Variants in SEZ6L observed in about 807,000 individuals in gnomAD.
SEZ6L encodes seizure 6-like protein.
Under a neutral mutation model 106.2 loss-of-function variants are expected in SEZ6L, and 37 were observed. The ratio of observed to expected loss-of-function variants is 0.35; its 90% confidence interval spans 0.27 to 0.46. SEZ6L has a LOEUF of 0.46. Ranked by LOEUF, SEZ6L falls within the 20% of genes least tolerant of loss-of-function variation. SEZ6L has a pLI of 1.00. For synonymous variants in SEZ6L, 541 were observed against 570.4 expected, an observed-to-expected ratio of 0.95 and a Z score of 0.73; for missense variants, 1,172 against 1,332.8, an observed-to-expected ratio of 0.88 and a Z score of 1.88.
At chr22:26,247,886 G>A (rs566349139) in intron 1 of SEZ6L, among the ~76,000 whole-genome samples, 2 of 152,224 alleles carry the variant, frequency 1.3e-5, no homozygotes, top group East Asian at 1.9e-4. Context: ...CACTTAAACG[G>A]TCTCCAGATG....
chr22:26,289,359 G>A (rs1203244656), intron 1 of SEZ6L, among the ~76,000 whole-genome samples: 1 of 152,148 alleles, frequency 6.6e-6, no homozygotes, highest in Non-Finnish European at 1.5e-5. Context: ...CCATTGTTTT[G>A]AGGCAGATCC....
chr22:26,378,224 C>T lies in SEZ6L; in HGVS notation c.3045+449C>T, dbSNP rs889644096. Among the ~76,000 whole-genome samples the T allele has an allele frequency of 3.3e-5, 5 of 152,172 alleles. No individual in the cohort carries two copies. The East Asian group carries it at 7.7e-4, about 23-fold the overall frequency. Reference sequence around the variant, plus strand: ...CAGATTCCACCATTAATGAGCCTACCGTCTTGTGAATTATTATTATCAATA... The same window carrying T: ...CAGATTCCACCATTAATGAGCCTACTGTCTTGTGAATTATTATTATCAATA... On this transcript the variant is annotated intron_variant, in intron 16 of 16. Transcript: ENST00000248933.
In SEZ6L at chr22:26,169,741, C is replaced by A; in HGVS notation, c.72C>A (p.Ser24Arg). ...TGTTCCTCGCTCTGCTCCTGGGGAG[C>A]CCGGCGGCAGCGCTGGAGCGAGGTA... ...ISLFLALLLG[S>R]PAAALERDAL... Residue 24 changes from serine (S) to arginine (R), a missense_variant, in exon 1 of 17, where the codon AGC (serine) becomes AGA (arginine). Transcript: ENST00000248933. The A allele has an allele frequency of 1.6e-6, 2 of 1,262,456 alleles. No homozygotes were observed. Among genetic ancestry groups the A allele is most frequent in the Non-Finnish European group, 2.0e-6 (2 of 1,004,722 alleles). The allele number at this position is 1,262,456 out of a possible 1,614,324, so 78.2% of individuals were successfully genotyped here.
At chr22:26,361,343 C>CAAAAAAAAAAAAAA (rs150251826) in intron 12 of SEZ6L, among the ~76,000 whole-genome samples, 1 of 133,392 alleles carries the variant, frequency 7.5e-6, no homozygotes, top group Admixed American at 8.0e-5. Context: ...ACTAAAAATA[C>CAAAAAAAAAAAAAA]AAAAACAAAA....
chr22:26,264,194 A>G (rs752548578), intron 1 of SEZ6L, among the ~76,000 whole-genome samples: 4 of 152,352 alleles, frequency 2.6e-5, no homozygotes, highest in Admixed American at 6.5e-5. Flanking sequence ...CTGAGGCTGC[A>G]TTTGCTAGGG....
chr22:26,328,178 G>A (rs998177450), intron 9 of SEZ6L, among the ~76,000 whole-genome samples: 13 of 152,154 alleles, frequency 8.5e-5, no homozygotes, highest in Non-Finnish European at 1.9e-4. Context: ...GACCCGGGTT[G>A]GGAAGCCTCT....
rs1338905063 is a variant in SEZ6L, at chr22:26,377,754, C to T, written c.3024C>T (p.Asp1008=). The change falls in exon 16 of 17, where the codon GAC becomes GAT. Residue 1008 remains aspartate (D), a synonymous_variant. Transcript: ENST00000248933. ...YSQITVETEF[D]NPIYETGETR... The stretch of plus-strand genomic sequence containing the variant: ...AGATCACCGTGGAAACCGAGTTTGA[C>T]AACCCCATTTACGAGACAGGGGTGA... The T allele has an allele frequency of 6.2e-7, 1 of 1,613,266 alleles. No individual in the cohort carries two copies. The highest frequency in any genetic ancestry group is 8.5e-7 in the Non-Finnish European group (1 of 1,179,298).
At chr22:26,232,982 C>T (rs1025061340) in intron 1 of SEZ6L, among the ~76,000 whole-genome samples, 1 of 152,194 alleles carries the variant, frequency 6.6e-6, no homozygotes, top group Middle Eastern at 3.2e-3. Flanking sequence ...CTCTGTCCTC[C>T]CCCGACACAC....
chr22:26,241,522 A>C (rs2079131814), intron 1 of SEZ6L: 1 of 152,142 alleles, frequency 6.6e-6, no homozygotes, highest in Non-Finnish European at 1.5e-5. Context: ...CAGCATATTA[A>C]ACAGCCACTG....
chr22:26,254,931 C>T (rs1449994264), intron 1 of SEZ6L, among the ~76,000 whole-genome samples: 1 of 152,130 alleles, frequency 6.6e-6, no homozygotes, highest in African/African-American at 2.4e-5. Flanking sequence ...GGGCTGTTTC[C>T]TGTCCTCAGA....
In SEZ6L at chr22:26,373,423, G is replaced by T; in HGVS notation, c.2795-28G>T. On this transcript the variant is annotated intron_variant, in intron 13 of 16. Transcript: ENST00000248933. ...AAACGAAGTGAATTCACTTTACATT[G>T]ACCAATGCTTCCTGATTTCTCTTTC... 2.5e-6 allele frequency: 4 copies of T among 1,597,876 alleles called. No individual in the cohort carries two copies. The South Asian group carries it at 4.6e-5, about 18-fold the overall frequency.
At chr22:26,254,715 C>A (rs188528960) in intron 1 of SEZ6L, among the ~76,000 whole-genome samples, 33 of 152,312 alleles carry the variant, frequency 2.2e-4, no homozygotes, top group African/African-American at 7.9e-4. Context: ...TTCTTCCTCT[C>A]TACTAGCAGT....
In SEZ6L at chr22:26,207,914, T is replaced by TC. The variant is rs1338444741; in HGVS notation, c.94+38151_94+38152insC. Among the ~76,000 whole-genome samples the TC allele has an allele frequency of 6.9e-5, 10 of 143,992 alleles. No homozygotes were observed. The East Asian group carries it at 1.9e-3, about 28-fold the overall frequency. 94.5% of individuals were successfully genotyped at this position (143,992 alleles called of 152,430 possible). Reference sequence around the variant, plus strand: ...TTGCTTTAAATATTCATGTGTATTTTTTTTTTTTTTTTTGAGACGGAGTCT... The same window carrying TC: ...TTGCTTTAAATATTCATGTGTATTTTCTTTTTTTTTTTTTGAGACGGAGTCT... On this transcript the variant is annotated intron_variant, in intron 1 of 16. Coordinates refer to ENST00000248933, the MANE Select transcript of SEZ6L (RefSeq NM_021115.5).
chr22:26,226,485 C>T (rs747265817), intron 1 of SEZ6L, among the ~76,000 whole-genome samples: 1 of 152,224 alleles, frequency 6.6e-6, no homozygotes, highest in African/African-American at 2.4e-5. Context: ...GAAATCAGAA[C>T]CTTAAGCATA....
At chr22:26,184,472 C>G (rs1939636645) in intron 1 of SEZ6L, among the ~76,000 whole-genome samples, 1 of 152,168 alleles carries the variant, frequency 6.6e-6, no homozygotes, top group African/African-American at 2.4e-5. Context: ...CCCACTAGGC[C>G]ATGGGAAATT....
chr22:26,340,756 A>C (rs1420520063), intron 10 of SEZ6L, 124 bp downstream of exon 10: 1 of 791,992 alleles, frequency 1.3e-6, no homozygotes, highest in African/African-American at 1.8e-5. Flanking sequence ...ATTGAAATGT[A>C]CTCATTTCAT....
intron 1 of SEZ6L, among the ~76,000 whole-genome samples, chr22:26,287,327 G>A (rs2080969197): frequency 6.6e-6 from 1 of 152,052 alleles, no homozygotes; most frequent in African/African-American, 2.4e-5. Flanking sequence ...TTGAGGGCAG[G>A]GGCCAAATCT....
At chr22:26,265,280 AC>A (rs1179836137) in intron 1 of SEZ6L, among the ~76,000 whole-genome samples, 10 of 152,286 alleles carry the variant, frequency 6.6e-5, no homozygotes, top group African/African-American at 2.4e-4. Context: ...TCTTCTGGTA[AC>A]CCGGAAAAGT....
chr22:26,330,745 T>C (rs5761475), intron 9 of SEZ6L, among the ~76,000 whole-genome samples: 25,202 of 142,482 alleles, frequency 0.18, 2,706 homozygotes, highest in East Asian at 0.37. Context: ...TTACCGTTTT[T>C]GTTTTCCCGA....
Sources: gnomAD v4.1 joint callset for allele counts (sites outside exome capture counted in the v4.1 genomes callset) on GRCh38, gnomAD v4.1.1 for gene constraint, MANE v1.5 for transcripts, NCBI Gene and HGNC (gene_info 2026-07-23, HGNC 2026-07-21) for gene names.